The following HEATR4 variants were observed in gnomAD, a reference collection of about 807,000 sequenced individuals.
HEATR4 encodes the protein HEAT repeat containing 4, also known as HEAT repeat-containing protein 4.
In HEATR4, 95 loss-of-function variants were observed where a neutral mutation model predicts 108.8. That is an observed-to-expected ratio of 0.87 (90% CI 0.74 to 1.04). The LOEUF (loss-of-function observed/expected upper bound fraction) is 1.04, where lower values mean the gene tolerates loss of function less well. HEATR4 is among the 50% of genes least tolerant of loss of function. The pLI is 0.00. For synonymous variants in HEATR4, 443 were observed against 459.4 expected, an observed-to-expected ratio of 0.96 and a Z score of 0.46; for missense variants, 1,152 against 1,253.8, an observed-to-expected ratio of 0.92 and a Z score of 1.23.
At chr14:73,506,802 C>CTTTTTTTTTTTTT (rs1470976246) in intron 9 of HEATR4, among the ~76,000 whole-genome samples, 5 of 58,028 alleles carry the variant, frequency 8.6e-5, no homozygotes, top group African/African-American at 3.1e-4. Flanking sequence ...CTGACTTTAA[C>CTTTTTTTTTTTTT]TGTTTTTTTT....
chr14:73,566,318 C>A, the HEATR4 span, among the ~76,000 whole-genome samples: 2 of 152,120 alleles, frequency 1.3e-5, no homozygotes, highest in Non-Finnish European at 2.9e-5. Context: ...CCTGCCAGTC[C>A]CGCACCGTGA....
At chr14:73,480,701 C>T (rs905433539) in intron 17 of HEATR4, among the ~76,000 whole-genome samples, 19 of 152,110 alleles carry the variant, frequency 1.2e-4, no homozygotes, top group South Asian at 2.1e-4. Context: ...GGTGCACCTA[C>T]ACAATGGAAG....
intron 1 of HEATR4, among the ~76,000 whole-genome samples, chr14:73,531,760 C>A (rs1285024693): frequency 8.8e-6 from 1 of 113,242 alleles, no homozygotes; most frequent in East Asian, 7.2e-4. Flanking sequence ...ATGGCTGACA[C>A]CTGTAATCCC....
chr14:73,576,987 G>A, the HEATR4 span, among the ~76,000 whole-genome samples: 2 of 145,030 alleles, frequency 1.4e-5, no homozygotes, highest in Non-Finnish European at 1.5e-5. Flanking sequence ...CTGGAGTGCA[G>A]TGGCACAGTC....
intron 2 of HEATR4, among the ~76,000 whole-genome samples, chr14:73,528,557 T>C (rs1012383985): frequency 1.3e-5 from 2 of 152,204 alleles, no homozygotes; most frequent in Non-Finnish European, 2.9e-5. Flanking sequence ...TGTCTTTGTC[T>C]GCCTTGGAGT....
the HEATR4 span, chr14:73,619,373 A>G: frequency 2.5e-6 from 4 of 1,614,090 alleles, no homozygotes; most frequent in African/African-American, 4.0e-5. Flanking sequence ...CCTCTACATT[A>G]CAAGGATATG....
chr14:73,500,993 C>G (rs1375808193), intron 11 of HEATR4, among the ~76,000 whole-genome samples: 1 of 152,244 alleles, frequency 6.6e-6, no homozygotes, highest in Non-Finnish European at 1.5e-5. Flanking sequence ...TGTCAACTTG[C>G]ACCTCTTTTC....
At position 73,542,913 on chromosome 14, in the gene HEATR4, C is replaced by A; in HGVS notation, c.-151-12669G>T. ...GAAGAGATAGAGGGGAGGTAAATTC[C>A]CAAAGCTGCAAATCTGGGTAAATGG... On this transcript the variant is annotated intron_variant, in intron 1 of 17. Transcript: ENST00000553558. The A allele has an allele frequency of 6.4e-6, 6 of 939,578 alleles. 1 individual carries two copies. Among genetic ancestry groups the A allele is most frequent in the Non-Finnish European group, 8.7e-6 (6 of 689,730 alleles). 58.2% of individuals were successfully genotyped at this position (939,578 alleles called of 1,614,324 possible).
At chr14:73,621,769 T>C in the HEATR4 span, among the ~76,000 whole-genome samples, 20,514 of 142,810 alleles carry the variant, frequency 0.14, 2,002 homozygotes, top group Non-Finnish European at 0.22. Context: ...TTCTTTTTTT[T>C]TTTTTTTTTT....
upstream of HEATR4, among the ~76,000 whole-genome samples, chr14:73,562,522 G>A (rs773908573): frequency 2.0e-4 from 31 of 152,008 alleles, no homozygotes; most frequent in Admixed American, 1.6e-3. Flanking sequence ...GACAGCCTGC[G>A]GAGTCGGGCC....
At chr14:73,613,938 C>G in the HEATR4 span, among the ~76,000 whole-genome samples, 2 of 150,224 alleles carry the variant, frequency 1.3e-5, no homozygotes, top group Admixed American at 6.7e-5. Context: ...GCCTGTAATC[C>G]CAGCACTTTG....
chr14:73,620,227 C>T, the HEATR4 span, among the ~76,000 whole-genome samples: 1 of 152,016 alleles, frequency 6.6e-6, no homozygotes, highest in African/African-American at 2.4e-5. Flanking sequence ...TGTTGGGTTT[C>T]CCAGAGCCCG....
In HEATR4 at chr14:73,533,663, G is replaced by C. The variant is rs1213246491; in HGVS notation, c.-151-3419C>G. Reference sequence around the variant, plus strand: ...CACTGCACTCCAGCCTGGGGGGACAGAGCAAGACTCCAAAAGTTCTGGAAA... The same window carrying C: ...CACTGCACTCCAGCCTGGGGGGACACAGCAAGACTCCAAAAGTTCTGGAAA... On this transcript the variant is annotated intron_variant, in intron 1 of 17. Transcript: ENST00000553558. 3.5e-5 allele frequency among the ~76,000 whole-genome samples: 4 copies of C among 113,296 alleles called. 1 individual carries two copies. Among genetic ancestry groups the C allele is most frequent in the Non-Finnish European group, 7.7e-5 (4 of 52,196 alleles). 74.3% of individuals were successfully genotyped at this position (113,296 alleles called of 152,430 possible).
At position 73,499,052 on chromosome 14, in the gene HEATR4, G is replaced by C. The variant is rs775113615; in HGVS notation, c.2356+19C>G. On this transcript the variant is annotated intron_variant, in intron 13 of 17. Coordinates refer to ENST00000553558, the MANE Select transcript of HEATR4 (RefSeq NM_001220484.1). The stretch of plus-strand genomic sequence containing the variant: ...AGGTATTTAAGGTTGAAGAGTTTGG[G>C]GCACTACTTCTATAATACCTCGAAT... 2 of 1,607,314 alleles carry C rather than the reference G, an allele frequency of 1.2e-6. No homozygotes were observed.
chr14:73,518,486 C>A (rs1054329284), intron 5 of HEATR4, among the ~76,000 whole-genome samples: 2 of 151,854 alleles, frequency 1.3e-5, no homozygotes, highest in South Asian at 4.2e-4. Flanking sequence ...GAACAGTAAT[C>A]CTACAAAGAG....
the HEATR4 span, chr14:73,575,181 G>A: frequency 5.4e-6 from 6 of 1,115,532 alleles, no homozygotes; most frequent in East Asian, 2.7e-5. Flanking sequence ...CATTCCTGTG[G>A]AAAGGGCAGA....
At chr14:73,520,768 C>A in intron 4 of HEATR4, 84 bp downstream of exon 4, 1 of 1,310,786 alleles carries the variant, frequency 7.6e-7, no homozygotes, top group Non-Finnish European at 1.1e-6. Context: ...TCCATACCCA[C>A]AACTGTTTCC....
intron 17 of HEATR4, among the ~76,000 whole-genome samples, chr14:73,481,995 T>A (rs577314899): frequency 1.4e-4 from 22 of 151,766 alleles, no homozygotes; most frequent in Non-Finnish European, 3.1e-4. Context: ...GGAGACCCTG[T>A]CTCAAAATAA....
In HEATR4 at chr14:73,539,429, C is replaced by T. The variant is rs1889000139; in HGVS notation, c.-151-9185G>A. 2 of 125,082 alleles carry T rather than the reference C, an allele frequency of 1.6e-5. 1 individual carries two copies. The allele number at this position is 125,082 out of a possible 1,614,324, so 7.7% of individuals were successfully genotyped here. A position where few individuals can be genotyped will look rare whatever the true frequency, so the allele number is the denominator to read the frequency against. On this transcript the variant is annotated intron_variant, in intron 1 of 17. Coordinates refer to ENST00000553558, the MANE Select transcript of HEATR4 (RefSeq NM_001220484.1). ...GGATAATTCACTCCACAAGCTGGGACTCCAGGTGCTGCTCTACCCAGCGGT... is the reference window on the plus strand; with the variant it reads ...GGATAATTCACTCCACAAGCTGGGATTCCAGGTGCTGCTCTACCCAGCGGT...
Sources: gnomAD v4.1 joint callset for allele counts (sites outside exome capture counted in the v4.1 genomes callset) on GRCh38, gnomAD v4.1.1 for gene constraint, MANE v1.5 for transcripts, NCBI Gene and HGNC (gene_info 2026-07-23, HGNC 2026-07-21) for gene names.